The following EPB41L4A variants were observed in gnomAD, a reference collection of about 807,000 sequenced individuals.
EPB41L4A encodes the protein erythrocyte membrane protein band 4.1 like 4A, also known as band 4.1-like protein 4A.
Under a neutral mutation model 108.6 loss-of-function variants are expected in EPB41L4A, and 100 were observed. The observed-to-expected ratio is 0.92, with a 90% CI of 0.78 to 1.09. The LOEUF is 1.09. EPB41L4A is among the 50% of genes least tolerant of loss of function. EPB41L4A has a pLI of 0.00. For missense variants in EPB41L4A, 1,030 were observed against 842.7 expected (o/e 1.22, Z -2.75); for synonymous variants, 319 against 289.0 (o/e 1.10, Z -1.05).
At chr5:112,199,814 C>CGGAGA (rs1762135173) in intron 15 of EPB41L4A, among the ~76,000 whole-genome samples, 13 of 152,226 alleles carry the variant, frequency 8.5e-5, no homozygotes, top group Admixed American at 8.5e-4. Flanking sequence ...TTTTACCTCT[C>CGGAGA]ACTGGCTACT....
chr5:112,266,212 A>G, intron 5 of EPB41L4A, 21 bp downstream of exon 5: 1 of 1,549,586 alleles, frequency 6.5e-7, no homozygotes, highest in Non-Finnish European at 8.7e-7. Context: ...TCTGAGGCAA[A>G]TATGCTTAAG....
intron 1 of EPB41L4A, among the ~76,000 whole-genome samples, chr5:112,399,495 C>T (rs1160356943): frequency 6.6e-6 from 1 of 152,162 alleles, no homozygotes; most frequent in Non-Finnish European, 1.5e-5. Context: ...GGAAGGTTCT[C>T]GAAATATATC....
intron 1 of EPB41L4A, among the ~76,000 whole-genome samples, chr5:112,313,984 C>T (rs1463859885): frequency 6.6e-6 from 1 of 151,282 alleles, no homozygotes; most frequent in South Asian, 2.1e-4. Context: ...CTGCCTCAGC[C>T]TCCGAAGTAG....
At chr5:112,401,903 C>A (rs986797) in intron 1 of EPB41L4A, among the ~76,000 whole-genome samples, 10,773 of 152,276 alleles carry the variant, frequency 0.071, 1,273 homozygotes, top group African/African-American at 0.24. Context: ...GCCATGAATT[C>A]CACTTAGAGC....
intron 12 of EPB41L4A, among the ~76,000 whole-genome samples, chr5:112,230,697 TTCCTTTG>T (rs1748851153): frequency 6.6e-6 from 1 of 152,238 alleles, no homozygotes. Context: ...CTCTGATCAT[TTCCTTTG>T]CTGTGCAGAA....
At chr5:112,218,654 GTAAA>G (rs1311509649) in intron 12 of EPB41L4A, among the ~76,000 whole-genome samples, 1 of 152,194 alleles carries the variant, frequency 6.6e-6, no homozygotes, top group Non-Finnish European at 1.5e-5. Flanking sequence ...AATTTTAATA[GTAAA>G]TAAAGTAAAT....
At chr5:112,231,435 T>C (rs1415310585) in intron 12 of EPB41L4A, among the ~76,000 whole-genome samples, 1 of 152,196 alleles carries the variant, frequency 6.6e-6, no homozygotes, top group Admixed American at 6.5e-5. Flanking sequence ...TTCTAAATTT[T>C]ATAAAATAAG....
intron 9 of EPB41L4A, among the ~76,000 whole-genome samples, chr5:112,253,745 T>A (rs757699282): frequency 6.6e-6 from 1 of 152,170 alleles, no homozygotes; most frequent in South Asian, 2.1e-4. Flanking sequence ...GGAAGTGAAG[T>A]AAAATGTTAA....
rs545005832 is a variant in EPB41L4A at position 112,227,348 on chromosome 5, C to T, written c.1087+7286G>A. Among the ~76,000 whole-genome samples the T allele has an allele frequency of 2.0e-5, 3 of 152,232 alleles. No individual in the cohort carries two copies. The East Asian group carries it at 5.8e-4, about 29-fold the overall frequency. ...GCCATTACAGCGAATATACCTCAGACATTGACAGATGGATTCACAGTGGTC... is the reference window on the plus strand; with the variant it reads ...GCCATTACAGCGAATATACCTCAGATATTGACAGATGGATTCACAGTGGTC... On this transcript the variant is annotated intron_variant, in intron 12 of 22. Transcript: ENST00000261486.
chr5:112,396,735 AACAG>A (rs967217061), intron 1 of EPB41L4A, among the ~76,000 whole-genome samples: 11 of 152,106 alleles, frequency 7.2e-5, no homozygotes, highest in Non-Finnish European at 1.2e-4. Context: ...GAGAGAGAGA[AACAG>A]ACAGACAGAG....
chr5:112,276,110 AC>A (rs1414186790), intron 3 of EPB41L4A, among the ~76,000 whole-genome samples: 1 of 152,234 alleles, frequency 6.6e-6, no homozygotes, highest in Non-Finnish European at 1.5e-5. Flanking sequence ...GATAACTCTT[AC>A]CTTTTTTTAC....
chr5:112,397,807 G>A (rs1247736921), intron 1 of EPB41L4A, among the ~76,000 whole-genome samples: 1 of 152,170 alleles, frequency 6.6e-6, no homozygotes, highest in African/African-American at 2.4e-5. Context: ...GAAATGAAGA[G>A]AGTCAGGGAC....
At position 112,316,217 on chromosome 5, in the gene EPB41L4A, G is replaced by C. The variant is rs562740094; in HGVS notation, c.100-8727C>G. ...CATGACATTACAAACCAGAAAGGCAGGTTCCTGCCAGCTTCACAGAATGAT... is the reference window on the plus strand; with the variant it reads ...CATGACATTACAAACCAGAAAGGCACGTTCCTGCCAGCTTCACAGAATGAT... On this transcript the variant is annotated intron_variant, in intron 1 of 22. Transcript: ENST00000261486. 9.8e-5 allele frequency among the ~76,000 whole-genome samples: 15 copies of C among 152,304 alleles called. 1 individual carries two copies. In the South Asian group the frequency reaches 2.9e-3, roughly 29 times the overall value.
chr5:112,357,934 A>G (rs1226091614), intron 1 of EPB41L4A, among the ~76,000 whole-genome samples: 2 of 152,240 alleles, frequency 1.3e-5, no homozygotes, highest in African/African-American at 4.8e-5. Context: ...CAAAATTACA[A>G]GGCTGTGGAG....
intron 1 of EPB41L4A, among the ~76,000 whole-genome samples, chr5:112,398,857 C>A (rs1251791762): frequency 6.6e-6 from 1 of 151,198 alleles, no homozygotes; most frequent in East Asian, 1.9e-4. Flanking sequence ...CAAGGTGACA[C>A]GTCCAGGGCC....
intron 1 of EPB41L4A, among the ~76,000 whole-genome samples, chr5:112,348,940 A>G (rs894068866): frequency 2.0e-5 from 3 of 152,338 alleles, no homozygotes; most frequent in African/African-American, 7.2e-5. Flanking sequence ...TCAAATCATC[A>G]AGGGCTCTGG....
rs545088033 is a variant in EPB41L4A, at chr5:112,378,498, T to C, written c.99+40443A>G. 9.6e-4 allele frequency among the ~76,000 whole-genome samples: 146 copies of C among 152,274 alleles called. 1 individual carries two copies. The highest frequency in any genetic ancestry group is 1.8e-3 in the Admixed American group (28 of 15,280). On this transcript the variant is annotated intron_variant, in intron 1 of 22. Coordinates refer to ENST00000261486, the MANE Select transcript of EPB41L4A (RefSeq NM_022140.5). ...TCTTAACAATACAGATTAACAGCCATAAGAAATATAGAGAAAGTTTCCCAG... is the reference window on the plus strand; with the variant it reads ...TCTTAACAATACAGATTAACAGCCACAAGAAATATAGAGAAAGTTTCCCAG...
chr5:112,299,247 T>C (rs1236238807), intron 2 of EPB41L4A, among the ~76,000 whole-genome samples: 1 of 152,216 alleles, frequency 6.6e-6, no homozygotes, highest in Non-Finnish European at 1.5e-5. Flanking sequence ...GATTGTCTAG[T>C]TGTGCTCTTT....
rs1264352011 is a variant in EPB41L4A at position 112,165,087 on chromosome 5, T to C, written c.1964A>G (p.Glu655Gly). The C allele has an allele frequency of 6.2e-7, 1 of 1,604,590 alleles. No homozygotes were observed. Among genetic ancestry groups the C allele is most frequent in the Non-Finnish European group, 8.5e-7 (1 of 1,176,486 alleles). The part of the protein sequence containing the change: ...RRNGSKDSLM[E>G]EKPQTSTNNL... ...GTTTGTAGATGTCTGAGGTTTTTCT[T>C]CCATCAGGCTATCTTTAGACCCATT... is the stretch of plus-strand genomic sequence containing the variant. Residue 655 changes from glutamate (E) to glycine (G), a missense_variant, in exon 23 of 23, where the codon GAA (glutamate) becomes GGA (glycine). By Grantham distance (98) the Glu-to-Gly change is moderately conservative. Coordinates refer to ENST00000261486, the MANE Select transcript of EPB41L4A (RefSeq NM_022140.5).
Sources: gnomAD v4.1 joint callset for allele counts (sites outside exome capture counted in the v4.1 genomes callset) on GRCh38, gnomAD v4.1.1 for gene constraint, MANE v1.5 for transcripts, NCBI Gene and HGNC (gene_info 2026-07-23, HGNC 2026-07-21) for gene names.